Variants in HYDIN observed in about 807,000 individuals in gnomAD.
The protein encoded by HYDIN is HYDIN axonemal central pair apparatus protein, also known as axonemal central pair apparatus protein HYDIN.
Under a neutral mutation model 403.9 loss-of-function variants are expected in HYDIN, and 132 were observed. The observed-to-expected ratio is 0.33, with a 90% confidence interval of 0.28 to 0.38. The LOEUF (loss-of-function observed/expected upper bound fraction) is 0.38, where lower values mean the gene tolerates loss of function less well. Ranked by LOEUF, HYDIN falls within the 10% of genes least tolerant of loss-of-function variation. HYDIN has a pLI of 1.00. For missense variants in HYDIN, 2,827 were observed against 5,009.5 expected (o/e 0.56, Z 13.15); for synonymous variants, 1,202 against 1,891.7 (o/e 0.64, Z 9.46).
intron 23 of HYDIN, among the ~76,000 whole-genome samples, chr16:71,000,793 C>T (rs1177290876): frequency 6.6e-6 from 1 of 152,020 alleles, no homozygotes; most frequent in African/African-American, 2.4e-5. Context: ...GATGAACAGG[C>T]TATAGGAGGC....
intron 18 of HYDIN, among the ~76,000 whole-genome samples, 166 bp from the exon 19 acceptor site, chr16:71,032,083 T>A (rs2080933390): frequency 6.6e-6 from 1 of 151,630 alleles, no homozygotes; most frequent in South Asian, 2.1e-4. Context: ...TTTTCCTTTT[T>A]TTCAAAAAGC....
intron 77 of HYDIN, among the ~76,000 whole-genome samples, chr16:70,836,361 T>C (rs1335159033): frequency 6.6e-6 from 1 of 151,920 alleles, no homozygotes; most frequent in Non-Finnish European, 1.5e-5. Context: ...CATTGCTGAG[T>C]GAGAAGTGGG....
chr16:70,868,826 G>T (rs368992717), intron 65 of HYDIN, 38 bp from the exon 66 acceptor site: 2 of 1,569,292 alleles, frequency 1.3e-6, no homozygotes, highest in East Asian at 2.3e-5. Context: ...TTGAGAATCC[G>T]ATCTTGAGGA....
At chr16:70,869,944 A>G (rs2039997104) in intron 65 of HYDIN, among the ~76,000 whole-genome samples, 2 of 149,262 alleles carry the variant, frequency 1.3e-5, no homozygotes, top group African/African-American at 4.9e-5. Flanking sequence ...AATGCTGATG[A>G]TATGGACAAT....
chr16:71,175,976 A>T (rs2086654294), intron 4 of HYDIN: 1 of 529,698 alleles, frequency 1.9e-6, no homozygotes, highest in Admixed American at 3.0e-5. Context: ...TTTTATTATT[A>T]TTACAAGTCT....
intron 5 of HYDIN, among the ~76,000 whole-genome samples, chr16:71,173,460 A>G (rs2086546342): frequency 6.6e-6 from 1 of 152,202 alleles, no homozygotes; most frequent in Non-Finnish European, 1.5e-5. Flanking sequence ...CTACATAGCA[A>G]CATATTTTAA....
intron 66 of HYDIN, among the ~76,000 whole-genome samples, chr16:70,868,076 A>G (rs1268937791): frequency 6.6e-6 from 1 of 152,190 alleles, no homozygotes; most frequent in Non-Finnish European, 1.5e-5. Context: ...GAAGGCAGAG[A>G]GTGGAATGGC....
intron 3 of HYDIN, among the ~76,000 whole-genome samples, chr16:71,181,266 G>C (rs1426174809): frequency 1.3e-5 from 2 of 150,080 alleles, no homozygotes; most frequent in African/African-American, 4.9e-5. Context: ...GAAATGCAAA[G>C]GACCAAGAAT....
intron 32 of HYDIN, 73 bp from the exon 33 acceptor site, chr16:70,974,373 C>A: frequency 1.3e-6 from 2 of 1,499,664 alleles, no homozygotes; most frequent in South Asian, 2.7e-5. Context: ...AGAGAAAGCC[C>A]CCACTGGGTC....
rs974745175 is a variant in HYDIN at position 70,884,055 on chromosome 16, C to T, written c.9844G>A (p.Val3282Ile). ...TCAGCCACACAGTCAACGTTGATGA[C>T]CTGCTGTCCTCCGGAAGGAATGGAG... ...FGSIPSGGQQ[V>I]INVDCVADAM... Residue 3282 changes from valine (V) to isoleucine (I), a missense_variant, in exon 59 of 86, where the codon GTC becomes ATC. Coordinates refer to ENST00000393567, the MANE Select transcript of HYDIN (RefSeq NM_001270974.2). The T allele has an allele frequency of 6.2e-7, 1 of 1,613,696 alleles. No homozygotes were observed. Among genetic ancestry groups the T allele is most frequent in the Non-Finnish European group, 8.5e-7 (1 of 1,179,876 alleles).
intron 66 of HYDIN, 122 bp from the exon 67 acceptor site, chr16:70,866,451 G>A (rs1218696556): frequency 8.6e-6 from 7 of 815,738 alleles, no homozygotes; most frequent in Non-Finnish European, 1.1e-5. Flanking sequence ...TACACTATGT[G>A]ACAATAAAGT....
chr16:70,858,591 AAAG>A (rs2039177539), intron 71 of HYDIN, among the ~76,000 whole-genome samples: 1 of 148,354 alleles, frequency 6.7e-6, no homozygotes, highest in South Asian at 2.2e-4. Context: ...GGACTGAATG[AAAG>A]AATAACGGCA....
At chr16:71,003,918 ATAAT>A (rs1482166897) in intron 23 of HYDIN, among the ~76,000 whole-genome samples, 1 of 151,954 alleles carries the variant, frequency 6.6e-6, no homozygotes, top group Non-Finnish European at 1.5e-5. Flanking sequence ...CATGTAGATA[ATAAT>A]TACATGACTT....
At position 70,832,991 on chromosome 16, in the gene HYDIN, C is replaced by T; in HGVS notation, c.13756G>A (p.Glu4586Lys). ...TGGTAGGTCACTTCAAAAGAAACCT[C>T]CATGCCTGAGGTAATATAGCCTTCT... ...PEEGYITSGM[E>K]VSFEVTYHPT... The change falls in exon 80 of 86, where the codon GAG becomes AAG. Residue 4586 changes from glutamate to lysine, a missense_variant. Physicochemically the swap from Glu to Lys is moderately conservative, Grantham distance 56. Coordinates refer to ENST00000393567, the MANE Select transcript of HYDIN (RefSeq NM_001270974.2). 6.2e-7 allele frequency: 1 copy of T among 1,614,156 alleles called. No individual in the cohort carries two copies. Among genetic ancestry groups the T allele is most frequent in the Non-Finnish European group, 8.5e-7 (1 of 1,179,998 alleles).
chr16:70,996,508 C>T (rs1489532928), intron 23 of HYDIN, among the ~76,000 whole-genome samples: 6 of 151,822 alleles, frequency 4.0e-5, no homozygotes, highest in Non-Finnish European at 8.8e-5. Flanking sequence ...CACTATGGGG[C>T]CTGGGGGCTG....
chr16:71,186,278 A>T (rs1318654733), intron 2 of HYDIN, among the ~76,000 whole-genome samples: 1 of 152,126 alleles, frequency 6.6e-6, no homozygotes, highest in Non-Finnish European at 1.5e-5. Flanking sequence ...TAAAGCTATA[A>T]ATATGTTTTA....
chr16:71,018,505 GA>G (rs1289790961), intron 22 of HYDIN, 63 bp from the exon 23 acceptor site: 11 of 577,420 alleles, frequency 1.9e-5, no homozygotes, highest in Admixed American at 1.0e-4. Context: ...CCTGGTACAT[GA>G]AACAGGACAG....
Position 70,809,767 on chromosome 16 carries a change from A to G in HYDIN, c.14883+16T>C, listed in dbSNP as rs1316445109. On this transcript the variant is annotated intron_variant, in intron 85 of 85. Coordinates refer to ENST00000393567, the MANE Select transcript of HYDIN (RefSeq NM_001270974.2). ...CATGTGAGGGAAGGGCAGAAGGTAG[A>G]GCAGGGGCCACTCACCCTGCAGTAG... is the stretch of plus-strand genomic sequence containing the variant. 1.9e-6 allele frequency: 3 copies of G among 1,583,480 alleles called. No individual in the cohort carries two copies. Among genetic ancestry groups the G allele is most frequent in the East Asian group, 4.5e-5 (2 of 44,756 alleles).
chr16:70,992,439 CCT>C (rs1434390773), intron 23 of HYDIN, among the ~76,000 whole-genome samples: 1 of 140,400 alleles, frequency 7.1e-6, no homozygotes, highest in Non-Finnish European at 1.5e-5. Flanking sequence ...CAACTTCTTT[CCT>C]CTGAGTGTCC....
Sources: gnomAD v4.1 joint callset for allele counts (sites outside exome capture counted in the v4.1 genomes callset) on GRCh38, gnomAD v4.1.1 for gene constraint, MANE v1.5 for transcripts, NCBI Gene and HGNC (gene_info 2026-07-23, HGNC 2026-07-21) for gene names.